CYP24A1: variants seen among roughly 807,000 people sequenced by gnomAD.
The protein encoded by CYP24A1 is cytochrome P450 family 24 subfamily A member 1, also known as 1,25-dihydroxyvitamin D(3) 24-hydroxylase, mitochondrial.
CYP24A1 carries 68 observed loss-of-function variants against 62.4 expected under a neutral mutation model. The observed-to-expected ratio is 1.09, with a 90% confidence interval of 0.90 to 1.33. CYP24A1 has a LOEUF of 1.33. Among genes scored for constraint, CYP24A1 ranks in the 40% most tolerant of loss-of-function variants. The pLI is 0.00. For synonymous variants in CYP24A1, 267 were observed against 253.0 expected, an observed-to-expected ratio of 1.06 and a Z score of -0.52; for missense variants, 787 against 653.0, an observed-to-expected ratio of 1.21 and a Z score of -2.24.
chr20:54,162,876 GAAGA>G lies in CYP24A1; in HGVS notation c.845-18_845-15del. 1.3e-6 allele frequency: 2 copies of G among 1,533,598 alleles called. No homozygotes were observed. Among genetic ancestry groups the G allele is most frequent in the Non-Finnish European group, 1.8e-6 (2 of 1,106,978 alleles). The allele number at this position is 1,533,598 out of a possible 1,614,324, so 95.0% of individuals were successfully genotyped here. A position where few individuals can be genotyped will look rare whatever the true frequency, so the allele number is the denominator to read the frequency against. On this transcript the variant is annotated splice_polypyrimidine_tract_variant and intron_variant, in intron 6 of 11. Coordinates refer to ENST00000216862, the MANE Select transcript of CYP24A1 (RefSeq NM_000782.5). ...TACAAGCTTTGACTATTAGAGCAGA[GAAGA>G]AAGAGAGGAAGTCAGCTGAAAATTG... is the stretch of plus-strand genomic sequence containing the variant.
chr20:54,168,010 C>T (rs1184506172), intron 4 of CYP24A1, among the ~76,000 whole-genome samples: 2 of 152,192 alleles, frequency 1.3e-5, no homozygotes, highest in East Asian at 3.9e-4. Flanking sequence ...TGGCTGCTGG[C>T]CCTCTGCCAG....
chr20:54,162,667 A>C (rs979301542), intron 7 of CYP24A1, 50 bp downstream of exon 7: 1 of 1,190,476 alleles, frequency 8.4e-7, no homozygotes, highest in African/African-American at 1.6e-5. Flanking sequence ...TGTCATCTAA[A>C]AATGGTACAG....
Position 54,173,123 on chromosome 20 carries a change from G to T in CYP24A1, c.259-24C>A. The T allele has an allele frequency of 5.6e-6, 9 of 1,600,054 alleles. No homozygotes were observed. The highest frequency in any genetic ancestry group is 7.6e-6 in the Non-Finnish European group (9 of 1,178,878). The stretch of plus-strand genomic sequence containing the variant: ...ACCTGCAGCCGGCCGGGCACAGCGC[G>T]GTGTCAGCGCGCATCCTCCGCCGTG... On this transcript the variant is annotated intron_variant, in intron 1 of 11. Transcript: ENST00000216862. The surrounding 1 kb of genome is among the most constrained non-coding windows in gnomAD (Gnocchi z 7.2).
chr20:54,158,980 T>C lies in CYP24A1; in HGVS notation c.1134A>G (p.Lys378=). ...AEDLRNMPYL[K]ACLKESMRLT... is the part of the protein sequence containing the mutation. ...ACCTCATAGATTCTTTCAGACAGGC[T>C]TTTAAATACGGCATATTCCTCAAAT... is the stretch of plus-strand genomic sequence containing the variant. The change falls in exon 8 of 12, where the codon AAA becomes AAG. Residue 378 remains lysine, a synonymous_variant. Coordinates refer to ENST00000216862, the MANE Select transcript of CYP24A1 (RefSeq NM_000782.5). 1 of 1,614,208 alleles carries C rather than the reference T, an allele frequency of 6.2e-7. No homozygotes were observed. Among genetic ancestry groups the C allele is most frequent in the Non-Finnish European group, 8.5e-7 (1 of 1,180,030 alleles).
At chr20:54,169,802 A>G in intron 3 of CYP24A1, 114 bp from the exon 4 acceptor site, 2 of 1,548,094 alleles carry the variant, frequency 1.3e-6, no homozygotes, top group Non-Finnish European at 1.7e-6. Context: ...CACTGGCCAT[A>G]ATGTTATTCA....
In CYP24A1 at chr20:54,173,593, A is replaced by G. The variant is rs763933381; in HGVS notation, c.-14T>C. 6.4e-7 allele frequency: 1 copy of G among 1,564,108 alleles called. No individual in the cohort carries two copies. Among genetic ancestry groups the G allele is most frequent in the South Asian group, 1.1e-5 (1 of 87,112 alleles). On this transcript the variant is annotated 5_prime_UTR_variant, in exon 1 of 12. Coordinates refer to ENST00000216862, the MANE Select transcript of CYP24A1 (RefSeq NM_000782.5). This position sits in a 1 kb window ranked among gnomAD's most constrained non-coding sequence, Gnocchi z 7.2. ...GGGGGAGCTCATGGCAGCGGGGGAC[A>G]CCGGAGCGCGGGAAGGCAGGAGGAT... is the stretch of plus-strand genomic sequence containing the variant.
Position 54,173,763 on chromosome 20 carries a change from C to T in CYP24A1, c.-184G>A, listed in dbSNP as rs1417677689. On this transcript the variant is annotated 5_prime_UTR_variant, in exon 1 of 12. Transcript: ENST00000216862. The surrounding 1 kb of genome is among the most constrained non-coding windows in gnomAD (Gnocchi z 7.2). ...AAAGGACCTCGGCGAGGATGCTCGA[C>T]GCTGCACCACGCGACAGCCTCAGAG... is the stretch of plus-strand genomic sequence containing the variant. The T allele has an allele frequency of 3.3e-6, 2 of 604,688 alleles. No homozygotes were observed. The highest frequency in any genetic ancestry group is 3.7e-5 in the African/African-American group (2 of 53,882). 37.5% of individuals were successfully genotyped at this position (604,688 alleles called of 1,614,324 possible). A position where few individuals can be genotyped will look rare whatever the true frequency, so the allele number is the denominator to read the frequency against.
downstream of CYP24A1, among the ~76,000 whole-genome samples, chr20:54,148,608 G>C (rs1325248928): frequency 6.6e-6 from 1 of 152,100 alleles, no homozygotes; most frequent in Non-Finnish European, 1.5e-5. Context: ...CCAGAAAGCA[G>C]GAAGTGCTCA....
Position 54,173,949 on chromosome 20 carries a change from ATGC to A in CYP24A1, c.-373_-371del, listed in dbSNP as rs1193988676. On this transcript the variant is annotated 5_prime_UTR_variant, in exon 1 of 12. Coordinates refer to ENST00000216862, the MANE Select transcript of CYP24A1 (RefSeq NM_000782.5). The surrounding 1 kb of genome is among the most constrained non-coding windows in gnomAD (Gnocchi z 7.2). ...GGAGGTGTCAAGGAGGGTAGATGAG[ATGC>A]TGCTGGCGCTGCGTTTCCTCCTGTC... 1 of 297,360 alleles carries A rather than the reference ATGC, an allele frequency of 3.4e-6. No homozygotes were observed. The highest frequency in any genetic ancestry group is 6.4e-6 in the Non-Finnish European group (1 of 157,116). 18.4% of individuals were successfully genotyped at this position (297,360 alleles called of 1,614,324 possible).
At chr20:54,169,364 A>G (rs949264257) in intron 4 of CYP24A1, among the ~76,000 whole-genome samples, 2 of 152,236 alleles carry the variant, frequency 1.3e-5, no homozygotes, top group African/African-American at 4.8e-5. Flanking sequence ...AGTACCTAGC[A>G]CAGTGCCAGA....
At chr20:54,161,842 C>A (rs557368783) in intron 7 of CYP24A1, among the ~76,000 whole-genome samples, 15 of 152,152 alleles carry the variant, frequency 9.9e-5, no homozygotes, top group Non-Finnish European at 1.9e-4. Context: ...GAAAACCCTA[C>A]CTTTACTTCA....
At chr20:54,165,891 T>C (rs928333747) in intron 4 of CYP24A1, 58 bp from the exon 5 acceptor site, 5 of 905,108 alleles carry the variant, frequency 5.5e-6, no homozygotes, top group Admixed American at 1.7e-5. Context: ...TTGGAGTCTA[T>C]GTTTAGCTGG....
rs2092698696 is a variant in CYP24A1 at position 54,172,893 on chromosome 20, C to T, written c.449+16G>A. ...CAGGTCTGGCCGCATGCCCAGGTCC[C>T]TCGGATTGGACTCACAGGATCAGCA... On this transcript the variant is annotated intron_variant, in intron 2 of 11. Transcript: ENST00000216862. 6.2e-7 allele frequency: 1 copy of T among 1,613,418 alleles called. No individual in the cohort carries two copies. Among genetic ancestry groups the T allele is most frequent in the African/African-American group, 1.3e-5 (1 of 74,922 alleles).
intron 9 of CYP24A1, among the ~76,000 whole-genome samples, 169 bp downstream of exon 9, chr20:54,157,917 T>C (rs372640225): frequency 8.5e-5 from 13 of 152,354 alleles, no homozygotes; most frequent in Non-Finnish European, 1.3e-4. Flanking sequence ...TCTGTCTCCA[T>C]AGCCGTGAAT....
chr20:54,159,246 CGT>C, intron 7 of CYP24A1, 123 bp from the exon 8 acceptor site: 1 of 773,858 alleles, frequency 1.3e-6, no homozygotes. Flanking sequence ...CTCTTTCACG[CGT>C]CCTTATAGCT....
At chr20:54,167,266 G>A (rs751371975) in intron 4 of CYP24A1, among the ~76,000 whole-genome samples, 4 of 152,132 alleles carry the variant, frequency 2.6e-5, no homozygotes, top group South Asian at 2.1e-4. Flanking sequence ...AGGTTTCCCC[G>A]TATTTGTGTT....
Position 54,157,391 on chromosome 20 carries a change from A to G in CYP24A1, c.1431T>C (p.Cys477=), listed in dbSNP as rs143976129. Residue 477 remains cysteine (C), a synonymous_variant, in exon 10 of 12, where the codon TGT becomes TGC. Coordinates refer to ENST00000216862, the MANE Select transcript of CYP24A1 (RefSeq NM_000782.5). ...CAGAAACCGGTAAAGGTTTTACCCA[A>G]CAAAGAGCCAAATGCAGTTGAAGCT... ...LAELQLHLAL[C]WIVRKYDIQA... is the part of the protein sequence containing the mutation. The G allele has an allele frequency of 8.1e-5, 128 of 1,585,850 alleles. No homozygotes were observed. Among genetic ancestry groups the G allele is most frequent in the Non-Finnish European group, 1.0e-4 (121 of 1,154,218 alleles).
intron 4 of CYP24A1, 65 bp downstream of exon 4, chr20:54,169,527 A>G (rs939688278): frequency 1.6e-5 from 25 of 1,611,572 alleles, no homozygotes; most frequent in Non-Finnish European, 2.0e-5. Flanking sequence ...AGTTGTCAAA[A>G]GAGCCATGTT....
intron 3 of CYP24A1, among the ~76,000 whole-genome samples, chr20:54,170,464 C>T (rs1247060273): frequency 1.1e-4 from 16 of 152,106 alleles, no homozygotes; most frequent in South Asian, 6.2e-4. Context: ...TGGACCCTGC[C>T]GTGAGCTGGT....
Sources: allele counts gnomAD v4.1 joint callset (sites outside exome capture counted in the v4.1 genomes callset), GRCh38; gene constraint gnomAD v4.1.1; non-coding constraint Gnocchi (gnomAD v3.1); transcripts MANE v1.5; gene names NCBI Gene and HGNC (gene_info 2026-07-23, HGNC 2026-07-21).